The following LINC00305 variants were observed in gnomAD, a reference collection of about 807,000 sequenced individuals.
The protein encoded by LINC00305 is long intergenic non-protein coding RNA 305.
chr18:64,144,021 C>T (rs1170851292), intron 1 of LINC00305, among the ~76,000 whole-genome samples: 1 of 152,166 alleles, frequency 6.6e-6, no homozygotes, highest in Admixed American at 6.5e-5. Context: ...TTGTGAATTA[C>T]ATACAGTGCT....
At chr18:64,122,442 G>A (rs149888855) in intron 1 of LINC00305, among the ~76,000 whole-genome samples, 251 of 152,092 alleles carry the variant, frequency 1.7e-3, no homozygotes, top group African/African-American at 5.9e-3. Flanking sequence ...TGAAAAGGTT[G>A]TCCTTTCTCT....
At chr18:64,081,269 A>G (rs1424342510) in intron 3 of LINC00305, among the ~76,000 whole-genome samples, 1 of 152,264 alleles carries the variant, frequency 6.6e-6, no homozygotes, top group Non-Finnish European at 1.5e-5. Flanking sequence ...GCAAAATGAA[A>G]TCACACAAGT....
chr18:64,145,694 G>A lies in LINC00305; in HGVS notation n.314+3081C>T, dbSNP rs145008672. Among the ~76,000 whole-genome samples, 435 of 152,290 alleles carry A rather than the reference G, an allele frequency of 2.9e-3. 7 individuals are homozygous for A. The highest frequency in any genetic ancestry group is 9.6e-3 in the African/African-American group (401 of 41,560). On this transcript the variant is annotated intron_variant and non_coding_transcript_variant, in intron 1 of 3. Coordinates refer to ENST00000666468, the Ensembl canonical transcript of LINC00305. ...GCCTCCCAAAGTGCTGGGATTACAG[G>A]CATGAGCCACCGCATCTGGCCAGAA...
At chr18:64,087,172 A>G (rs558595501) in intron 3 of LINC00305, among the ~76,000 whole-genome samples, 39 of 152,316 alleles carry the variant, frequency 2.6e-4, no homozygotes, top group Non-Finnish European at 4.6e-4. Context: ...ATTCCACTCA[A>G]TTTCAGTCAA....
intron 1 of LINC00305, among the ~76,000 whole-genome samples, chr18:64,135,839 A>G (rs775708128): frequency 4.6e-5 from 7 of 152,164 alleles, no homozygotes; most frequent in Non-Finnish European, 7.3e-5. Flanking sequence ...TCGGCTTCCC[A>G]AAGTGCTGAG....
chr18:64,105,054 G>A (rs1352664211), intron 1 of LINC00305, among the ~76,000 whole-genome samples: 1 of 151,606 alleles, frequency 6.6e-6, no homozygotes, highest in Non-Finnish European at 1.5e-5. Flanking sequence ...TCCACAAACC[G>A]TTTGGGTGCT....
intron 1 of LINC00305, among the ~76,000 whole-genome samples, chr18:64,138,562 T>G (rs1348802033): frequency 6.6e-6 from 1 of 152,222 alleles, no homozygotes; most frequent in Non-Finnish European, 1.5e-5. Context: ...ACAATCTGAC[T>G]GTTGGTTTGC....
intron 1 of LINC00305, among the ~76,000 whole-genome samples, chr18:64,139,175 C>A (rs566154211): frequency 6.6e-6 from 1 of 152,206 alleles, no homozygotes; most frequent in Admixed American, 6.5e-5. Context: ...CAGCTCAATT[C>A]TTAATCTCCT....
intron 1 of LINC00305, among the ~76,000 whole-genome samples, chr18:64,124,067 T>G (rs989625853): frequency 3.3e-5 from 5 of 152,130 alleles, no homozygotes; most frequent in African/African-American, 1.2e-4. Flanking sequence ...CTTATTTTCC[T>G]TATAAACTAC....
At chr18:64,106,642 T>C (rs1258727378) in intron 1 of LINC00305, among the ~76,000 whole-genome samples, 1 of 152,160 alleles carries the variant, frequency 6.6e-6, no homozygotes, top group African/African-American at 2.4e-5. Flanking sequence ...CTTGTCAGTG[T>C]TGTGATAATT....
chr18:64,120,072 G>A (rs1376844136), intron 1 of LINC00305, among the ~76,000 whole-genome samples: 1 of 152,042 alleles, frequency 6.6e-6, no homozygotes, highest in Non-Finnish European at 1.5e-5. Flanking sequence ...AGAAGCACTT[G>A]TAACTAATTA....
At chr18:64,146,398 A>G (rs937230518) in intron 1 of LINC00305, among the ~76,000 whole-genome samples, 3 of 152,156 alleles carry the variant, frequency 2.0e-5, no homozygotes. Flanking sequence ...TAAATACGCA[A>G]TGAAAGCTTA....
At chr18:64,093,250 C>A (rs1398635395) in intron 3 of LINC00305, among the ~76,000 whole-genome samples, 1 of 152,196 alleles carries the variant, frequency 6.6e-6, no homozygotes, top group African/African-American at 2.4e-5. Context: ...TCACAACTTC[C>A]CCACATGAAT....
chr18:64,120,784 G>A (rs1051379136), intron 1 of LINC00305, among the ~76,000 whole-genome samples: 4 of 151,992 alleles, frequency 2.6e-5, no homozygotes, highest in African/African-American at 9.7e-5. Flanking sequence ...ATTTTAACTG[G>A]TTTTGCCAGT....
At chr18:64,080,005 C>A (rs2051178625) in exon 4 of LINC00305, 1 of 157,472 alleles carries the variant, frequency 6.4e-6, no homozygotes, top group South Asian at 1.8e-4. Context: ...TTTAGAAGAA[C>A]AAGAAAGTTA....
At chr18:64,093,051 G>A (rs768218266) in intron 3 of LINC00305, among the ~76,000 whole-genome samples, 10 of 152,108 alleles carry the variant, frequency 6.6e-5, no homozygotes, top group African/African-American at 1.7e-4. Flanking sequence ...CAATGCTTTC[G>A]GAAAATATAT....
chr18:64,100,428 G>C (rs1314181813), intron 1 of LINC00305, among the ~76,000 whole-genome samples: 1 of 152,134 alleles, frequency 6.6e-6, no homozygotes. Context: ...CCGGTGCTGG[G>C]CCTTTCTTTT....
chr18:64,143,360 A>G (rs1305831711), intron 1 of LINC00305, among the ~76,000 whole-genome samples: 1 of 151,952 alleles, frequency 6.6e-6, no homozygotes, highest in Non-Finnish European at 1.5e-5. Flanking sequence ...CTTATATAGT[A>G]GTAGATGGCC....
At chr18:64,146,171 A>T (rs895666222) in intron 1 of LINC00305, among the ~76,000 whole-genome samples, 6 of 152,184 alleles carry the variant, frequency 3.9e-5, no homozygotes, top group Non-Finnish European at 8.8e-5. Flanking sequence ...GGTCGAAATA[A>T]GTTATGGTTG....
Sources: gnomAD v4.1 joint callset for allele counts (sites outside exome capture counted in the v4.1 genomes callset) on GRCh38, gnomAD v4.1.1 for gene constraint, MANE v1.5 for transcripts, NCBI Gene and HGNC (gene_info 2026-07-23, HGNC 2026-07-21) for gene names.